Variants in EFR3A observed in about 807,000 individuals in gnomAD.
The protein encoded by EFR3A is EFR3 homolog A, also known as protein EFR3 homolog A.
Under a neutral mutation model 104.4 loss-of-function variants are expected in EFR3A, and 76 were observed. The observed-to-expected ratio is 0.73, with a 90% CI of 0.60 to 0.88. The LOEUF is 0.88. Ranked by LOEUF, EFR3A falls within the 40% of genes least tolerant of loss-of-function variation. The probability of loss-of-function intolerance (pLI) is 0.00; values close to 1 mark genes in which losing one functional copy is unlikely to be tolerated. For synonymous variants in EFR3A, 330 were observed against 330.0 expected (o/e 1.00, Z 0.00); for missense variants, 985 against 1,012.5 (o/e 0.97, Z 0.37).
At chr8:131,936,645 C>A (rs1392995617) in intron 1 of EFR3A, among the ~76,000 whole-genome samples, 3 of 152,100 alleles carry the variant, frequency 2.0e-5, no homozygotes, top group Non-Finnish European at 2.9e-5. Context: ...CCTCCTTGGG[C>A]TCAGCTAATT....
At chr8:131,912,302 G>A (rs933728033) in intron 1 of EFR3A, among the ~76,000 whole-genome samples, 1 of 152,160 alleles carries the variant, frequency 6.6e-6, no homozygotes, top group African/African-American at 2.4e-5. Context: ...AAGCAGGATA[G>A]AAACCATGGC....
chr8:131,975,834 C>T (rs1043876555), intron 10 of EFR3A, among the ~76,000 whole-genome samples, 193 bp from the exon 11 acceptor site: 1 of 152,150 alleles, frequency 6.6e-6, no homozygotes, highest in Non-Finnish European at 1.5e-5. Flanking sequence ...GTCCATTATA[C>T]ACAGTTTATA....
intron 10 of EFR3A, among the ~76,000 whole-genome samples, chr8:131,975,512 G>A (rs572523820): frequency 1.3e-5 from 2 of 148,668 alleles, no homozygotes; most frequent in Non-Finnish European, 3.0e-5. Context: ...CACCTCCCAG[G>A]TTCAAGCAAT....
intron 22 of EFR3A, among the ~76,000 whole-genome samples, chr8:132,005,827 G>A (rs1017095070): frequency 2.0e-5 from 3 of 152,108 alleles, no homozygotes; most frequent in Non-Finnish European, 2.9e-5. Context: ...CTTTTGAAGT[G>A]CACATACAAC....
In EFR3A at chr8:131,910,553, G is replaced by A. The variant is rs541298311; in HGVS notation, c.10+6231G>A. The stretch of plus-strand genomic sequence containing the variant: ...CTCGCAAAGGGCTGGAATTACAGGC[G>A]TGAGCCACTGTGCCCAGTCTTTCTC... On this transcript the variant is annotated intron_variant, in intron 1 of 22. Coordinates refer to ENST00000254624, the MANE Select transcript of EFR3A (RefSeq NM_015137.6). Among the ~76,000 whole-genome samples the A allele has an allele frequency of 7.2e-5, 11 of 152,310 alleles. No homozygotes were observed. The South Asian group carries it at 1.7e-3, about 23-fold the overall frequency.
intron 1 of EFR3A, among the ~76,000 whole-genome samples, chr8:131,905,030 A>G (rs932879016): frequency 3.3e-5 from 5 of 152,230 alleles, no homozygotes; most frequent in Non-Finnish European, 7.3e-5. Flanking sequence ...TCGGTGTTGG[A>G]GGATTTTTAG....
At chr8:131,938,483 A>T (rs1223314362) in intron 1 of EFR3A, among the ~76,000 whole-genome samples, 1 of 152,082 alleles carries the variant, frequency 6.6e-6, no homozygotes, top group African/African-American at 2.4e-5. Flanking sequence ...TAAATGAAAA[A>T]TTTTAACCTA....
chr8:131,940,749 G>C, intron 2 of EFR3A, 174 bp downstream of exon 2: 1 of 1,122,318 alleles, frequency 8.9e-7, no homozygotes, highest in Non-Finnish European at 1.2e-6. Context: ...ATGCTTGCTT[G>C]TCTAGTTTTC....
chr8:131,950,842 G>C (rs1818666048), intron 5 of EFR3A, among the ~76,000 whole-genome samples: 1 of 151,948 alleles, frequency 6.6e-6, no homozygotes, highest in South Asian at 2.1e-4. Context: ...ATTTCTTCTG[G>C]ATATATCCTA....
At chr8:131,974,261 A>C (rs1820214917) in intron 10 of EFR3A, among the ~76,000 whole-genome samples, 1 of 152,220 alleles carries the variant, frequency 6.6e-6, no homozygotes, top group African/African-American at 2.4e-5. Flanking sequence ...AAACTATTCC[A>C]CGCATTTGAA....
intron 5 of EFR3A, among the ~76,000 whole-genome samples, chr8:131,951,867 C>T (rs1165154189): frequency 2.0e-5 from 3 of 151,960 alleles, no homozygotes; most frequent in Non-Finnish European, 4.4e-5. Context: ...ATTATTTCTG[C>T]TTTAACTTAA....
At position 132,012,882 on chromosome 8, in the gene EFR3A, C is replaced by CAATT. The variant is rs1368902961; in HGVS notation, c.*1991_*1994dup. ...TATTGCATGTAAAGGAAAACCATTA[C>CAATT]AATTAATGTTTATCACACCTTTATC... On this transcript the variant is annotated 3_prime_UTR_variant, in exon 23 of 23. Transcript: ENST00000254624. 6.6e-6 allele frequency: 1 copy of CAATT among 152,180 alleles called. No homozygotes were observed. The highest frequency in any genetic ancestry group is 1.5e-5 in the Non-Finnish European group (1 of 68,028). 9.4% of individuals were successfully genotyped at this position (152,180 alleles called of 1,614,324 possible). A position where few individuals can be genotyped will look rare whatever the true frequency, so the allele number is the denominator to read the frequency against.
intron 10 of EFR3A, among the ~76,000 whole-genome samples, chr8:131,975,412 A>ATTTTTTTTTT (rs5895119): frequency 9.0e-6 from 1 of 111,156 alleles, no homozygotes; most frequent in Admixed American, 1.1e-4. Context: ...TTTTTTTCCT[A>ATTTTTTTTTT]TTTTTTTTTT....
At position 131,978,883 on chromosome 8, in the gene EFR3A, G is replaced by A. The variant is rs1451056369; in HGVS notation, c.1363G>A (p.Ala455Thr). The change falls in exon 13 of 23, where the codon GCA (alanine) becomes ACA (threonine). Residue 455 changes from alanine (A) to threonine (T), a missense_variant. Ala to Thr is a moderately conservative substitution (Grantham distance 58). Transcript: ENST00000254624. ...ATATAAAGCGAAGACGATTGTTACT[G>A]CACTGCCAGGGTCTTTCCTGGATCC... ...SGYKAKTIVT[A>T]LPGSFLDPLL... 6.2e-7 allele frequency: 1 copy of A among 1,610,250 alleles called. No homozygotes were observed. Among genetic ancestry groups the A allele is most frequent in the Non-Finnish European group, 8.5e-7 (1 of 1,178,170 alleles).
chr8:131,968,129 T>G (rs1385527967), intron 8 of EFR3A, among the ~76,000 whole-genome samples, 166 bp from the exon 9 acceptor site: 1 of 152,182 alleles, frequency 6.6e-6, no homozygotes, highest in African/African-American at 2.4e-5. Context: ...GCATCTCTGT[T>G]TATTCTTTAA....
chr8:131,950,090 AGTAT>A lies in EFR3A; in HGVS notation c.488+5_488+8del. ...CATAGTGATCCAGAAATACGAACAG[AGTAT>A]GTATTATTTTACTTTATGATCTATA... On this transcript the variant is annotated splice_donor_variant and splice_donor_region_variant and intron_variant, in intron 5 of 22. Coordinates refer to ENST00000254624, the MANE Select transcript of EFR3A (RefSeq NM_015137.6). LOFTEE classifies it high-confidence loss of function. The A allele has an allele frequency of 6.2e-7, 1 of 1,602,460 alleles. No individual in the cohort carries two copies.
At chr8:131,999,514 T>C (rs1381419978) in intron 19 of EFR3A, among the ~76,000 whole-genome samples, 2 of 152,222 alleles carry the variant, frequency 1.3e-5, no homozygotes, top group African/African-American at 4.8e-5. Flanking sequence ...AAGGGAATGT[T>C]GAAATTCCTT....
chr8:131,956,298 C>T (rs1342128325), intron 7 of EFR3A, among the ~76,000 whole-genome samples: 1 of 152,096 alleles, frequency 6.6e-6, no homozygotes, highest in Non-Finnish European at 1.5e-5. Flanking sequence ...CTCTTTTTGC[C>T]ATGGCTGGGC....
intron 18 of EFR3A, among the ~76,000 whole-genome samples, chr8:131,995,038 G>A (rs1386511666): frequency 1.3e-5 from 2 of 152,038 alleles, no homozygotes; most frequent in Non-Finnish European, 2.9e-5. Context: ...TTGGAACTAT[G>A]TTTTTTCAGA....
Sources: allele counts gnomAD v4.1 joint callset (sites outside exome capture counted in the v4.1 genomes callset), GRCh38; gene constraint gnomAD v4.1.1; transcripts MANE v1.5; gene names NCBI Gene and HGNC (gene_info 2026-07-23, HGNC 2026-07-21).